The following INO80E variants were observed in gnomAD, a reference collection of about 807,000 sequenced individuals.
INO80E encodes the protein INO80 complex subunit E.
INO80E carries 20 observed loss-of-function variants against 27.3 expected under a neutral mutation model. The ratio of observed to expected loss-of-function variants is 0.73; its 90% CI spans 0.51 to 1.06. The LOEUF is 1.06. Among genes scored for constraint, INO80E ranks in the 50% least tolerant of loss-of-function variants. INO80E has a pLI of 0.00. For synonymous variants in INO80E, 167 were observed against 145.9 expected (o/e 1.14, Z -1.04); for missense variants, 357 against 322.8 (o/e 1.11, Z -0.81).
At chr16:30,000,661 G>T in intron 3 of INO80E, 97 bp from the exon 4 acceptor site, 1 of 975,132 alleles carries the variant, frequency 1.0e-6, no homozygotes, top group South Asian at 1.4e-5. Flanking sequence ...CCCCGCACCT[G>T]GTCTTCCAGT....
intron 5 of INO80E, 70 bp downstream of exon 5, chr16:30,001,110 C>A: frequency 1.3e-6 from 2 of 1,484,566 alleles, no homozygotes; most frequent in Middle Eastern, 1.8e-4. Context: ...AGGGCTGGGC[C>A]TCGGGGCAAG....
Position 30,005,469 on chromosome 16 carries a change from G to T in INO80E, c.*27G>T. On this transcript the variant is annotated 3_prime_UTR_variant, in exon 7 of 7. Coordinates refer to ENST00000563197, the MANE Select transcript of INO80E (RefSeq NM_173618.3). ...CGTGACATCACGCCATGCCCACCAC[G>T]GCCCCGCCCGGCGCCCTCCCCGTGC... The T allele has an allele frequency of 6.4e-7, 1 of 1,564,068 alleles. No homozygotes were observed. The highest frequency in any genetic ancestry group is 8.7e-7 in the Non-Finnish European group (1 of 1,154,248).
chr16:29,996,679 A>G (rs1470143141), intron 2 of INO80E, 62 bp downstream of exon 2: 62 of 1,587,280 alleles, frequency 3.9e-5, no homozygotes, highest in Admixed American at 8.9e-5. Context: ...TTCGGACCCC[A>G]TCCCCGAGTA....
At chr16:30,004,529 C>A (rs2150944854) in intron 6 of INO80E, 1 of 153,374 alleles carries the variant, frequency 6.5e-6, no homozygotes, top group East Asian at 1.9e-4. Flanking sequence ...GCCCCGAGGC[C>A]CCGAGTGGCA....
At chr16:29,997,474 G>A (rs1294382680) in intron 3 of INO80E, among the ~76,000 whole-genome samples, 1 of 150,644 alleles carries the variant, frequency 6.6e-6, no homozygotes, top group Non-Finnish European at 1.5e-5. Context: ...AGCCATTCTT[G>A]GCCAGGTGCA....
intron 2 of INO80E, 93 bp downstream of exon 2, chr16:29,996,710 C>A: frequency 3.1e-6 from 5 of 1,590,256 alleles, no homozygotes; most frequent in Non-Finnish European, 4.3e-6. Flanking sequence ...TGCATGGGCT[C>A]TTTCAAGTAT....
rs368314151 is a variant in INO80E at position 30,001,540 on chromosome 16, C to G, written c.513+10C>G. 1.6e-5 allele frequency: 25 copies of G among 1,609,490 alleles called. No homozygotes were observed. The highest frequency in any genetic ancestry group is 3.4e-5 in the Admixed American group (2 of 59,536). On this transcript the variant is annotated intron_variant, in intron 6 of 6. Transcript: ENST00000563197. ...GCCCCGGAAACTCAAGGTACCCTGACGTGGGGGTGCTAGGGAGGGGCAGGA... is the reference window on the plus strand; with the variant it reads ...GCCCCGGAAACTCAAGGTACCCTGAGGTGGGGGTGCTAGGGAGGGGCAGGA...
Position 29,996,584 on chromosome 16 carries a change from A to G in INO80E, c.119A>G (p.Gln40Arg), listed in dbSNP as rs758758778. The G allele has an allele frequency of 6.3e-7, 1 of 1,577,152 alleles. No individual in the cohort carries two copies. Among genetic ancestry groups the G allele is most frequent in the Non-Finnish European group, 8.6e-7 (1 of 1,161,548 alleles). ...TTCCAGGAGGAGCTGAGGAAAGCGC[A>G]AAGGAAATTACTGAAGGTGTCCCGG... ...ECFQEELRKA[Q>R]RKLLKVSRDK... is the part of the protein sequence containing the mutation. The change falls in exon 2 of 7, where the codon CAA becomes CGA. Residue 40 changes from glutamine (Q) to arginine (R), a missense_variant. Coordinates refer to ENST00000563197, the MANE Select transcript of INO80E (RefSeq NM_173618.3).
At chr16:30,002,317 G>C (rs1424044409) in intron 6 of INO80E, 5 of 152,570 alleles carry the variant, frequency 3.3e-5, no homozygotes, top group Non-Finnish European at 7.3e-5. Flanking sequence ...GGGAGCTCAT[G>C]AGGTGCCAGT....
intron 6 of INO80E, chr16:30,002,097 T>C (rs1169155160): frequency 6.5e-6 from 1 of 152,758 alleles, no homozygotes; most frequent in Non-Finnish European, 1.5e-5. Context: ...AAGTAGGTAC[T>C]TGTGGAGAAG....
Position 30,000,970 on chromosome 16 carries a change from G to A in INO80E, c.326G>A (p.Ser109Asn). 6.4e-7 allele frequency: 1 copy of A among 1,566,250 alleles called. No individual in the cohort carries two copies. Among genetic ancestry groups the A allele is most frequent in the East Asian group, 2.3e-5 (1 of 44,390 alleles). Residue 109 changes from serine to asparagine, a missense_variant, in exon 5 of 7, where the codon AGC becomes AAC. Coordinates refer to ENST00000563197, the MANE Select transcript of INO80E (RefSeq NM_173618.3). ...CTGGGGGGCGCCCCCTCTCCCTCCA[G>A]CCTCTCCCTGCCTCCTTCAACAGGG... Reference protein sequence around the residue: ...PPLGGAPSPSSLSLPPSTGFP... With the variant: ...PPLGGAPSPSNLSLPPSTGFP...
In INO80E at chr16:30,005,070, G is replaced by T. The variant is rs964707997; in HGVS notation, c.514-151G>T. Reference sequence around the variant, plus strand: ...GGTTTGAGGCTCTCGAGGGGCTGAGGGGGGCAGGCCCTGAGTGCAGCATGG... The same window carrying T: ...GGTTTGAGGCTCTCGAGGGGCTGAGTGGGGCAGGCCCTGAGTGCAGCATGG... On this transcript the variant is annotated intron_variant, in intron 6 of 6. Coordinates refer to ENST00000563197, the MANE Select transcript of INO80E (RefSeq NM_173618.3). 3.4e-5 allele frequency: 27 copies of T among 805,276 alleles called. No homozygotes were observed. In the African/African-American group the frequency reaches 3.7e-4, roughly 11 times the overall value. 49.9% of individuals were successfully genotyped at this position (805,276 alleles called of 1,614,324 possible). A position where few individuals can be genotyped will look rare whatever the true frequency, so the allele number is the denominator to read the frequency against.
At chr16:30,001,246 C>T (rs997810662) in intron 5 of INO80E, 168 bp from the exon 6 acceptor site, 4 of 1,495,082 alleles carry the variant, frequency 2.7e-6, no homozygotes, top group Admixed American at 2.2e-5. Context: ...AGAGCAAAGC[C>T]CAGGACAGCA....
At chr16:30,001,602 G>T in intron 6 of INO80E, 72 bp downstream of exon 6, 1 of 1,423,012 alleles carries the variant, frequency 7.0e-7, no homozygotes, top group Non-Finnish European at 9.7e-7. Flanking sequence ...GGCTGAAGGC[G>T]GGGGCCTGTC....
Position 29,996,279 on chromosome 16 carries a change from G to T in INO80E, c.-32G>T. On this transcript the variant is annotated 5_prime_UTR_variant, in exon 1 of 7. Coordinates refer to ENST00000563197, the MANE Select transcript of INO80E (RefSeq NM_173618.3). ...CAGCCACTGCTTGGGGTAGCGGGAGGGCAGACTCTGGGCGCCACTCCCGGG... is the reference window on the plus strand; with the variant it reads ...CAGCCACTGCTTGGGGTAGCGGGAGTGCAGACTCTGGGCGCCACTCCCGGG... The T allele has an allele frequency of 6.4e-7, 1 of 1,559,982 alleles. No homozygotes were observed. The highest frequency in any genetic ancestry group is 1.2e-5 in the South Asian group (1 of 85,540).
At position 30,005,480 on chromosome 16, in the gene INO80E, G is replaced by C; in HGVS notation, c.*38G>C. The C allele has an allele frequency of 6.4e-7, 1 of 1,553,882 alleles. No homozygotes were observed. The highest frequency in any genetic ancestry group is 8.7e-7 in the Non-Finnish European group (1 of 1,146,702). ...GCCATGCCCACCACGGCCCCGCCCG[G>C]CGCCCTCCCCGTGCCAGCACACACG... On this transcript the variant is annotated 3_prime_UTR_variant, in exon 7 of 7. Transcript: ENST00000563197.
chr16:30,005,278 G>C lies in INO80E; in HGVS notation c.571G>C (p.Gly191Arg), dbSNP rs771196692. 6 of 1,486,046 alleles carry C rather than the reference G, an allele frequency of 4.0e-6. No individual in the cohort carries two copies. The highest frequency in any genetic ancestry group is 3.6e-6 in the Non-Finnish European group (4 of 1,121,360). 92.1% of individuals were successfully genotyped at this position (1,486,046 alleles called of 1,614,324 possible). ...VGGPLTFPGR[G>R]SGAGVGTTLT... is the part of the protein sequence containing the mutation. ...AGGGCCGCTGACCTTCCCTGGCCGG[G>C]GTTCTGGGGCTGGGGTCGGGACAAC... is the stretch of plus-strand genomic sequence containing the variant. Residue 191 changes from glycine to arginine, a missense_variant, in exon 7 of 7, where the codon GGT (glycine) becomes CGT (arginine). Transcript: ENST00000563197.
At position 30,005,342 on chromosome 16, in the gene INO80E, C is replaced by T. The variant is rs369781536; in HGVS notation, c.635C>T (p.Thr212Met). The T allele has an allele frequency of 2.8e-5, 42 of 1,503,260 alleles. No homozygotes were observed. Among genetic ancestry groups the T allele is most frequent in the Non-Finnish European group, 3.4e-5 (38 of 1,132,892 alleles). The allele number at this position is 1,503,260 out of a possible 1,614,324, so 93.1% of individuals were successfully genotyped here. Residue 212 changes from threonine to methionine, a missense_variant, in exon 7 of 7, where the codon ACG becomes ATG. Transcript: ENST00000563197. The stretch of plus-strand genomic sequence containing the variant: ...CCACCCCCTAAGATGCCCCCCCCCA[C>T]GATCCTGAGCACGGTCCCTCGGCAG... Reference protein sequence around the residue: ...PLPPPKMPPPTILSTVPRQMF... With the variant: ...PLPPPKMPPPMILSTVPRQMF...
chr16:29,999,718 T>G (rs993932275), intron 3 of INO80E: 3 of 152,230 alleles, frequency 2.0e-5, no homozygotes, highest in Admixed American at 6.5e-5. Flanking sequence ...AGAATACAGT[T>G]ACGTTAGTTG....
Sources: allele counts gnomAD v4.1 joint callset (sites outside exome capture counted in the v4.1 genomes callset), GRCh38; gene constraint gnomAD v4.1.1; transcripts MANE v1.5; gene names NCBI Gene and HGNC (gene_info 2026-07-23, HGNC 2026-07-21).